FRAS1: variants seen among roughly 807,000 people sequenced by gnomAD.
FRAS1 encodes extracellular matrix organizing protein FRAS1.
FRAS1 carries 290 observed loss-of-function variants against 435.2 expected under a neutral mutation model. That is an observed-to-expected ratio of 0.67 (90% confidence interval 0.61 to 0.73). FRAS1 has a LOEUF of 0.73. Ranked by LOEUF, FRAS1 falls within the 30% of genes least tolerant of loss-of-function variation. The pLI is 0.00. For synonymous variants in FRAS1, 1,800 were observed against 1,851.0 expected, an observed-to-expected ratio of 0.97 and a Z score of 0.71; for missense variants, 4,860 against 5,001.5, an observed-to-expected ratio of 0.97 and a Z score of 0.85.
intron 27 of FRAS1, among the ~76,000 whole-genome samples, chr4:78,382,196 A>C (rs1732048595): frequency 6.6e-6 from 1 of 152,096 alleles, no homozygotes; most frequent in Non-Finnish European, 1.5e-5. Context: ...GTGCCACCAA[A>C]AATCACTTAC....
chr4:78,191,890 T>C, intron 2 of FRAS1, among the ~76,000 whole-genome samples: 1 of 152,194 alleles, frequency 6.6e-6, no homozygotes, highest in Non-Finnish European at 1.5e-5. Flanking sequence ...TTTATGGCTG[T>C]ATAGTATTCC....
At chr4:78,276,334 C>A (rs1578222608) in intron 9 of FRAS1, among the ~76,000 whole-genome samples, 1 of 152,226 alleles carries the variant, frequency 6.6e-6, no homozygotes, top group African/African-American at 2.4e-5. Context: ...CATTCTCAAT[C>A]CACCTTTGTT....
At chr4:78,306,804 G>A (rs996401697) in intron 14 of FRAS1, among the ~76,000 whole-genome samples, 2 of 152,032 alleles carry the variant, frequency 1.3e-5, no homozygotes, top group Non-Finnish European at 2.9e-5. Context: ...TTTGCGTTTG[G>A]TTTGAATGTC....
At chr4:78,441,046 C>T in intron 40 of FRAS1, 116 bp from the exon 41 acceptor site, 1 of 975,228 alleles carries the variant, frequency 1.0e-6, no homozygotes, top group South Asian at 1.6e-5. Flanking sequence ...TCTGCCTCCT[C>T]AAAGAAGCAG....
Position 78,111,948 on chromosome 4 carries a change from G to A in FRAS1, c.108+45932G>A, listed in dbSNP as rs969839105. On this transcript the variant is annotated intron_variant, in intron 2 of 73. Transcript: ENST00000512123. ...CTGATGACATTGTTTTCAAGAGGTA[G>A]GCAAAGATCCCAGATTAGAAAAACT... is the stretch of plus-strand genomic sequence containing the variant. Among the ~76,000 whole-genome samples, 5 of 152,088 alleles carry A rather than the reference G, an allele frequency of 3.3e-5. No individual in the cohort carries two copies. The South Asian group carries it at 1.0e-3, about 32-fold the overall frequency.
chr4:78,413,919 C>A (rs1050707917), intron 32 of FRAS1, among the ~76,000 whole-genome samples: 1 of 152,166 alleles, frequency 6.6e-6, no homozygotes, highest in Non-Finnish European at 1.5e-5. Context: ...AATGCCAAAA[C>A]CCCTCTTCCA....
In FRAS1 at chr4:78,413,032, CCA is replaced by C; in HGVS notation, c.4375_4376del (p.Gln1459AspfsTer3). 2 of 1,611,310 alleles carry C rather than the reference CCA, an allele frequency of 1.2e-6. No individual in the cohort carries two copies. The highest frequency in any genetic ancestry group is 1.7e-6 in the Non-Finnish European group (2 of 1,178,790). The stretch of plus-strand genomic sequence containing the variant: ...CCACATGTTCAACATCGCGATCTTA[CCA>C]CAGACACCTGAAGCACCTAAAGTGT... Reference protein sequence around the residue: ...ESHMFNIAILPQTPEAPKVSL... With the variant: ...ESHMFNIAILXQTPEAPKVSL... On this transcript the variant is annotated frameshift_variant, in exon 32 of 74. Transcript: ENST00000512123. LOFTEE classifies it high-confidence loss of function.
At chr4:78,215,681 A>G (rs1449563992) in intron 2 of FRAS1, among the ~76,000 whole-genome samples, 1 of 152,294 alleles carries the variant, frequency 6.6e-6, no homozygotes, top group Non-Finnish European at 1.5e-5. Flanking sequence ...TACTGTGGGT[A>G]TCTCATATAA....
intron 2 of FRAS1, among the ~76,000 whole-genome samples, chr4:78,185,510 T>C (rs2110057234): frequency 6.6e-6 from 1 of 152,330 alleles, no homozygotes; most frequent in Admixed American, 6.5e-5. Context: ...CTTAGGTTAT[T>C]AGCTTTAGAG....
intron 41 of FRAS1, among the ~76,000 whole-genome samples, chr4:78,443,506 A>G (rs934501444): frequency 1.3e-5 from 2 of 152,256 alleles, no homozygotes; most frequent in Non-Finnish European, 2.9e-5. Flanking sequence ...AATGGCATGG[A>G]GCCTGAATTC....
In FRAS1 at chr4:78,432,613, T is replaced by C. The variant is rs766610114; in HGVS notation, c.5217+9T>C. ...CACACCTTGCTTACGTGGTAAGTTC[T>C]TCCATTTGCTGTGTTTGTTCTCCAC... is the stretch of plus-strand genomic sequence containing the variant. On this transcript the variant is annotated intron_variant, in intron 38 of 73. Coordinates refer to ENST00000512123, the MANE Select transcript of FRAS1 (RefSeq NM_025074.7). The C allele has an allele frequency of 1.3e-6, 2 of 1,555,408 alleles. No homozygotes were observed. The highest frequency in any genetic ancestry group is 2.3e-5 in the East Asian group (1 of 44,202).
At chr4:78,455,427 G>GGT (rs1553962070) in intron 47 of FRAS1, among the ~76,000 whole-genome samples, 6 of 151,388 alleles carry the variant, frequency 4.0e-5, no homozygotes, top group African/African-American at 1.2e-4. Context: ...AGGAGGGAGG[G>GGT]GGTTCTGTTA....
rs114776820 is a variant in FRAS1 at position 78,497,169 on chromosome 4, C to T, written c.9115+208C>T. ...TAGGTATTTTTAATATCATTGTTCC[C>T]TACCACAGTGCTAGGAGATATGGAC... On this transcript the variant is annotated intron_variant, in intron 60 of 73. Transcript: ENST00000512123. Among the ~76,000 whole-genome samples the T allele has an allele frequency of 4.8e-3, 727 of 152,228 alleles. 3 individuals carry two copies. The highest frequency in any genetic ancestry group is 0.014 in the Middle Eastern group (4 of 292).
chr4:78,141,771 G>GTA (rs1045489384), intron 2 of FRAS1, among the ~76,000 whole-genome samples: 13 of 152,058 alleles, frequency 8.5e-5, no homozygotes, highest in African/African-American at 2.7e-4. Flanking sequence ...AGAAAGTGTG[G>GTA]TATATATATA....
intron 1 of FRAS1, among the ~76,000 whole-genome samples, chr4:78,060,164 TTTAA>T (rs2109839064): frequency 6.6e-6 from 1 of 152,304 alleles, no homozygotes; most frequent in Admixed American, 6.5e-5. Flanking sequence ...ATTTAATTAG[TTTAA>T]TTAAGTGATA....
intron 2 of FRAS1, among the ~76,000 whole-genome samples, chr4:78,216,994 C>A (rs1416954786): frequency 1.3e-5 from 2 of 152,050 alleles, no homozygotes; most frequent in Non-Finnish European, 2.9e-5. Context: ...TTTTTTTAGT[C>A]AGTGAGATTA....
At chr4:78,445,173 A>G (rs76583168) in intron 41 of FRAS1, among the ~76,000 whole-genome samples, 1,854 of 152,322 alleles carry the variant, frequency 0.012, 13 homozygotes, top group Middle Eastern at 0.024. Context: ...CTGCTTCTGT[A>G]TTGTCACTTG....
At chr4:78,128,084 A>G (rs1214594253) in intron 2 of FRAS1, among the ~76,000 whole-genome samples, 1 of 152,116 alleles carries the variant, frequency 6.6e-6, no homozygotes, top group Non-Finnish European at 1.5e-5. Flanking sequence ...ACATGAACTC[A>G]TCATTTTTTA....
chr4:78,512,576 C>A lies in FRAS1; in HGVS notation c.10014-816C>A, dbSNP rs536631378. On this transcript the variant is annotated intron_variant, in intron 64 of 73. Coordinates refer to ENST00000512123, the MANE Select transcript of FRAS1 (RefSeq NM_025074.7). Reference sequence around the variant, plus strand: ...AGTCTTAACCAATATTTATTAAACTCATTTCTTATTTAGAATTGTATACTA... The same window carrying A: ...AGTCTTAACCAATATTTATTAAACTAATTTCTTATTTAGAATTGTATACTA... Among the ~76,000 whole-genome samples the A allele has an allele frequency of 2.0e-5, 3 of 152,312 alleles. No homozygotes were observed. The East Asian group carries it at 5.8e-4, about 29-fold the overall frequency.
Sources: allele counts gnomAD v4.1 joint callset (sites outside exome capture counted in the v4.1 genomes callset), GRCh38; gene constraint gnomAD v4.1.1; transcripts MANE v1.5; gene names NCBI Gene and HGNC (gene_info 2026-07-23, HGNC 2026-07-21).